BBS9: variants seen among roughly 807,000 people sequenced by gnomAD.
BBS9 encodes the protein protein PTHB1.
Under a neutral mutation model 117.7 loss-of-function variants are expected in BBS9, and 89 were observed. The observed-to-expected ratio is 0.76, with a 90% CI of 0.64 to 0.90. The LOEUF is 0.90. Ranked by LOEUF, BBS9 falls within the 40% of genes least tolerant of loss-of-function variation. The pLI, the probability that BBS9 is intolerant of heterozygous loss-of-function variation, is 0.00. For synonymous variants in BBS9, 379 were observed against 370.9 expected (o/e 1.02, Z -0.25); for missense variants, 982 against 1,042.2 (o/e 0.94, Z 0.80).
chr7:33,178,347 G>A (rs373210399), intron 5 of BBS9, among the ~76,000 whole-genome samples: 64 of 152,274 alleles, frequency 4.2e-4, no homozygotes, highest in Non-Finnish European at 7.8e-4. Context: ...TCCCACCTTG[G>A]CAGAGGGGTG....
At chr7:33,478,824 A>G (rs1584966096) in intron 19 of BBS9, among the ~76,000 whole-genome samples, 2 of 150,956 alleles carry the variant, frequency 1.3e-5, no homozygotes, top group Admixed American at 6.6e-5. Context: ...AAAACAGTCA[A>G]TATAGTTTGT....
intron 21 of BBS9, among the ~76,000 whole-genome samples, chr7:33,599,212 G>T (rs1863415484): frequency 6.6e-6 from 1 of 152,122 alleles, no homozygotes; most frequent in East Asian, 1.9e-4. Context: ...GAGATATTAG[G>T]CAGGGCTTGA....
chr7:33,595,292 C>A (rs939429459), intron 21 of BBS9, among the ~76,000 whole-genome samples: 3 of 151,940 alleles, frequency 2.0e-5, no homozygotes, highest in Non-Finnish European at 2.9e-5. Context: ...TGCAATCTAC[C>A]CATCTGACAA....
chr7:33,444,532 G>A (rs2128904117), intron 19 of BBS9, among the ~76,000 whole-genome samples: 1 of 152,212 alleles, frequency 6.6e-6, no homozygotes, highest in South Asian at 2.1e-4. Flanking sequence ...TTTTAAGTAA[G>A]GACTAGTCAT....
intron 21 of BBS9, among the ~76,000 whole-genome samples, chr7:33,576,469 T>C (rs868431842): frequency 6.6e-6 from 1 of 152,070 alleles, no homozygotes; most frequent in South Asian, 2.1e-4. Context: ...ATCGTGAAAA[T>C]GGCCATGCTG....
intron 21 of BBS9, among the ~76,000 whole-genome samples, chr7:33,615,683 T>A (rs1003551663): frequency 6.6e-6 from 1 of 152,066 alleles, no homozygotes. Flanking sequence ...GTTTTCAAAT[T>A]AATGTCAGGC....
chr7:33,408,825 C>T (rs1412968868), intron 19 of BBS9, among the ~76,000 whole-genome samples: 2 of 152,162 alleles, frequency 1.3e-5, no homozygotes, highest in Non-Finnish European at 2.9e-5. Context: ...TACATTTCCC[C>T]AGTAGTGGAA....
At chr7:33,257,142 G>T (rs1797201410) in intron 5 of BBS9, 94 bp from the exon 6 acceptor site, 1 of 807,558 alleles carries the variant, frequency 1.2e-6, no homozygotes. Flanking sequence ...TGTAAAATTG[G>T]TGCCTAAGAC....
At chr7:33,627,643 C>T (rs1865704244) in intron 21 of BBS9, among the ~76,000 whole-genome samples, 1 of 152,210 alleles carries the variant, frequency 6.6e-6, no homozygotes, top group Non-Finnish European at 1.5e-5. Context: ...GTCTTAGGAG[C>T]CCACCCCTTG....
chr7:33,421,620 T>C (rs186397066), intron 19 of BBS9, among the ~76,000 whole-genome samples: 1 of 152,324 alleles, frequency 6.6e-6, no homozygotes, highest in Admixed American at 6.5e-5. Context: ...AAACATACTC[T>C]TGTCTTTTCT....
chr7:33,534,126 G>C lies in BBS9; in HGVS notation c.2471G>C (p.Arg824Pro), dbSNP rs376641244. ...TGCGATAGATTATCCAAAGGTGGCC[G>C]TCTCTGCCTAAGTACCGATGCAGCA... is the stretch of plus-strand genomic sequence containing the variant. ...LLCDRLSKGG[R>P]LCLSTDAAAP... The change falls in exon 21 of 23, where the codon CGT (arginine) becomes CCT (proline). Residue 824 changes from arginine (R) to proline (P), a missense_variant. By Grantham distance (103) the Arg-to-Pro change is moderately radical (BLOSUM62 -2). Coordinates refer to ENST00000242067, the MANE Select transcript of BBS9 (RefSeq NM_198428.3). The C allele has an allele frequency of 2.5e-6, 4 of 1,614,146 alleles. No individual in the cohort carries two copies. Among genetic ancestry groups the C allele is most frequent in the Non-Finnish European group, 3.4e-6 (4 of 1,180,044 alleles).
At chr7:33,269,960 T>G (rs1197693292) in intron 7 of BBS9, among the ~76,000 whole-genome samples, 4 of 149,620 alleles carry the variant, frequency 2.7e-5, no homozygotes, top group Middle Eastern at 3.4e-3. Flanking sequence ...GAGGCGGAGG[T>G]TGCAGTGAGC....
chr7:33,238,819 G>A (rs887914649), intron 5 of BBS9, among the ~76,000 whole-genome samples: 1 of 152,000 alleles, frequency 6.6e-6, no homozygotes, highest in Non-Finnish European at 1.5e-5. Context: ...AATATTGTGA[G>A]CATTTCCCCA....
chr7:33,439,315 T>C (rs1835782435), intron 19 of BBS9, among the ~76,000 whole-genome samples: 1 of 152,212 alleles, frequency 6.6e-6, no homozygotes, highest in Admixed American at 6.5e-5. Flanking sequence ...GAGCTCTTAC[T>C]ACTTTTTGCA....
intron 21 of BBS9, among the ~76,000 whole-genome samples, chr7:33,627,111 G>A (rs929349555): frequency 6.6e-6 from 1 of 152,220 alleles, no homozygotes; most frequent in African/African-American, 2.4e-5. Context: ...GGTATTGTGG[G>A]CTGGGGCCAG....
intron 9 of BBS9, among the ~76,000 whole-genome samples, chr7:33,330,643 G>T (rs919439325): frequency 5.3e-5 from 8 of 152,070 alleles, no homozygotes; most frequent in African/African-American, 1.4e-4. Context: ...TGTTAAGGCA[G>T]GAATCTGTTT....
chr7:33,383,911 T>G (rs1202963774), intron 18 of BBS9, 73 bp downstream of exon 18: 9 of 1,464,370 alleles, frequency 6.1e-6, no homozygotes. Flanking sequence ...TATAGAAGGA[T>G]TCTGTATGCA....
At chr7:33,425,946 A>T (rs1353595467) in intron 19 of BBS9, among the ~76,000 whole-genome samples, 1 of 152,230 alleles carries the variant, frequency 6.6e-6, no homozygotes, top group Non-Finnish European at 1.5e-5. Flanking sequence ...ACAAATGTGG[A>T]TCTAATTTTT....
chr7:33,172,554 A>G (rs1340544859), intron 4 of BBS9, among the ~76,000 whole-genome samples: 2 of 152,236 alleles, frequency 1.3e-5, no homozygotes, highest in Non-Finnish European at 2.9e-5. Context: ...TATTTTAGCA[A>G]CAATTTTAGA....
Sources: gnomAD v4.1 joint callset for allele counts (sites outside exome capture counted in the v4.1 genomes callset) on GRCh38, gnomAD v4.1.1 for gene constraint, MANE v1.5 for transcripts, NCBI Gene and HGNC (gene_info 2026-07-23, HGNC 2026-07-21) for gene names.